The following HPD variants were observed in gnomAD, a reference collection of about 807,000 sequenced individuals.
The protein encoded by HPD is 4-hydroxyphenylpyruvic acid oxidase.
Under a neutral mutation model 56.9 loss-of-function variants are expected in HPD, and 35 were observed. The ratio of observed to expected loss-of-function variants is 0.62; its 90% confidence interval spans 0.47 to 0.82. The LOEUF (loss-of-function observed/expected upper bound fraction) is 0.82, where lower values mean the gene tolerates loss of function less well. HPD is among the 40% of genes least tolerant of loss of function. The pLI, the probability that HPD is intolerant of heterozygous loss-of-function variation, is 0.00. For missense variants in HPD, 442 were observed against 506.8 expected (o/e 0.87, Z 1.23); for synonymous variants, 186 against 200.2 (o/e 0.93, Z 0.60).
chr12:121,872,245 A>T, the HPD span, among the ~76,000 whole-genome samples: 1 of 146,994 alleles, frequency 6.8e-6, no homozygotes, highest in Admixed American at 6.7e-5. Flanking sequence ...CTCAAAAAAA[A>T]AAAAGAGATG....
chr12:121,854,385 C>T (rs539537008), intron 7 of HPD, among the ~76,000 whole-genome samples: 136 of 152,270 alleles, frequency 8.9e-4, no homozygotes, highest in African/African-American at 2.7e-3. Context: ...TAGAGAGGTA[C>T]AGTAATATGC....
the HPD span, among the ~76,000 whole-genome samples, chr12:121,877,753 C>A: frequency 6.6e-6 from 1 of 151,580 alleles, no homozygotes; most frequent in Admixed American, 6.6e-5. Flanking sequence ...TAATAATAAA[C>A]AGAAGAGCTG....
the HPD span, among the ~76,000 whole-genome samples, chr12:121,881,114 C>T: frequency 6.6e-6 from 1 of 152,166 alleles, no homozygotes; most frequent in Admixed American, 6.6e-5. Context: ...TTAAAAATTA[C>T]TTTCTGCTCT....
intron 7 of HPD, 136 bp downstream of exon 7, chr12:121,854,567 C>T (rs1419187895): frequency 1.6e-5 from 12 of 761,782 alleles, no homozygotes; most frequent in Non-Finnish European, 2.4e-5. Flanking sequence ...CCAGGCAATA[C>T]GGGGGACAGA....
chr12:121,846,416 C>A (rs991435985), intron 11 of HPD, among the ~76,000 whole-genome samples: 1 of 152,114 alleles, frequency 6.6e-6, no homozygotes, highest in Non-Finnish European at 1.5e-5. Flanking sequence ...GGGGTTTCAC[C>A]ATGTTGGCCA....
chr12:121,879,393 T>C, the HPD span, among the ~76,000 whole-genome samples: 1 of 152,256 alleles, frequency 6.6e-6, no homozygotes, highest in East Asian at 1.9e-4. Context: ...ACAAGCCTAC[T>C]GATAATCCTT....
At chr12:121,847,304 A>G in intron 9 of HPD, 90 bp from the exon 10 acceptor site, 1 of 1,218,610 alleles carries the variant, frequency 8.2e-7, no homozygotes, top group Non-Finnish European at 1.2e-6. Context: ...TCTGTCCCTG[A>G]GCAGGCTCCA....
chr12:121,871,082 A>G, the HPD span, among the ~76,000 whole-genome samples: 1 of 152,220 alleles, frequency 6.6e-6, no homozygotes, highest in East Asian at 1.9e-4. Context: ...GAAGCTTTAC[A>G]TTTAAAAATT....
rs1263689925 is a variant in HPD, at chr12:121,851,738, C to CT, written c.415-1949dup. ...TTTTTTTTTTTTTTTGAGACGGAGT[C>CT]TCGCTCTGTCGCCCAGGCTGGAGTG... On this transcript the variant is annotated intron_variant, in intron 7 of 13. Coordinates refer to ENST00000289004, the MANE Select transcript of HPD (RefSeq NM_002150.3). Among the ~76,000 whole-genome samples, 3 of 2,010 alleles carry CT rather than the reference C, an allele frequency of 1.5e-3. 1 individual carries two copies. The highest frequency in any genetic ancestry group is 3.6e-3 in the African/African-American group (2 of 562). The allele number at this position is 2,010 out of a possible 152,430, so 1.3% of individuals were successfully genotyped here. A position where few individuals can be genotyped will look rare whatever the true frequency, so the allele number is the denominator to read the frequency against.
At position 121,839,760 on chromosome 12, in the gene HPD, T is replaced by A. The variant is rs747995528; in HGVS notation, c.1150A>T (p.Met384Leu). 2 of 1,613,960 alleles carry A rather than the reference T, an allele frequency of 1.2e-6. No individual in the cohort carries two copies. The highest frequency in any genetic ancestry group is 1.3e-5 in the African/African-American group (1 of 75,050). The change falls in exon 14 of 14, where the codon ATG becomes TTG. Residue 384 changes from methionine (M) to leucine (L), a missense_variant. By Grantham distance (15) the Met-to-Leu change is conservative. Coordinates refer to ENST00000289004, the MANE Select transcript of HPD (RefSeq NM_002150.3). ...CCGGGCACCACCCCATTGGTCTCCA[T>A]GTTGGTGAGGTTACCCCGCAGGTTC... ...EQNLRGNLTN[M>L]ETNGVVPGM
At chr12:121,855,145 T>G (rs1401150135) in intron 6 of HPD, among the ~76,000 whole-genome samples, 1 of 152,212 alleles carries the variant, frequency 6.6e-6, no homozygotes, top group Admixed American at 6.5e-5. Flanking sequence ...GATTCATGCA[T>G]TTATTTAGCA....
At chr12:121,852,622 CTTTTT>C (rs1176954964) in intron 7 of HPD, among the ~76,000 whole-genome samples, 5 of 70,484 alleles carry the variant, frequency 7.1e-5, no homozygotes, top group Non-Finnish European at 1.3e-4. Context: ...TCATTGGATC[CTTTTT>C]TTTTTTTTTT....
At chr12:121,866,522 C>T (rs1403052475), upstream of HPD, among the ~76,000 whole-genome samples, 1 of 151,892 alleles carries the variant, frequency 6.6e-6, no homozygotes, top group Non-Finnish European at 1.5e-5. Context: ...CGGTTCTCAG[C>T]CATTTGACGG....
the HPD span, among the ~76,000 whole-genome samples, chr12:121,876,311 AAATAAT>A: frequency 0.079 from 11,984 of 152,118 alleles, 903 homozygotes; most frequent in African/African-American, 0.2. Flanking sequence ...TGTGTCTAAA[AAATAAT>A]AATAATAAAA....
Position 121,854,791 on chromosome 12 carries a change from T to TTC in HPD, c.325-1_325dup (p.Lys109ArgfsTer16). 2 of 1,612,880 alleles carry TTC rather than the reference T, an allele frequency of 1.2e-6. No homozygotes were observed. Among genetic ancestry groups the TTC allele is most frequent in the Non-Finnish European group, 1.7e-6 (2 of 1,178,888 alleles). On this transcript the variant is annotated frameshift_variant and splice_region_variant, in exon 7 of 14. Coordinates refer to ENST00000289004, the MANE Select transcript of HPD (RefSeq NM_002150.3). LOFTEE classifies it high-confidence loss of function. ...GATTTTGGCGCCCCGTTCCCGTGCTTTCTGCAGAGAAGATGGGATCGGGGA... is the reference window on the plus strand; with the variant it reads ...GATTTTGGCGCCCCGTTCCCGTGCTTTCTCTGCAGAGAAGATGGGATCGGGGA...
At chr12:121,854,139 C>T (rs1044214138) in intron 7 of HPD, among the ~76,000 whole-genome samples, 4 of 151,480 alleles carry the variant, frequency 2.6e-5, no homozygotes, top group Middle Eastern at 3.4e-3. Flanking sequence ...ACTTGTGGTC[C>T]CAACTACTCG....
intron 12 of HPD, among the ~76,000 whole-genome samples, chr12:121,840,979 A>G (rs1877386900): frequency 6.6e-6 from 1 of 151,570 alleles, no homozygotes; most frequent in Admixed American, 6.6e-5. Flanking sequence ...GAATCACCCG[A>G]GGTCAGGAGT....
the HPD span, among the ~76,000 whole-genome samples, chr12:121,882,501 T>C: frequency 6.6e-6 from 1 of 152,208 alleles, no homozygotes; most frequent in East Asian, 1.9e-4. Context: ...ACAGAACAAC[T>C]GGAAAGGGGA....
chr12:121,880,160 GAAAA>G, the HPD span, among the ~76,000 whole-genome samples: 114 of 101,654 alleles, frequency 1.1e-3, no homozygotes, highest in African/African-American at 3.8e-3. Flanking sequence ...ATGAAAAAAA[GAAAA>G]AAAAAAAAAA....
Sources: allele counts gnomAD v4.1 joint callset (sites outside exome capture counted in the v4.1 genomes callset), GRCh38; gene constraint gnomAD v4.1.1; transcripts MANE v1.5; gene names NCBI Gene and HGNC (gene_info 2026-07-23, HGNC 2026-07-21).